SLC45A4: variants seen among roughly 807,000 people sequenced by gnomAD.
The protein encoded by SLC45A4 is polyamine-transporter SLC45A4.
Under a neutral mutation model 63.7 loss-of-function variants are expected in SLC45A4, and 32 were observed. The ratio of observed to expected loss-of-function variants is 0.50; its 90% CI spans 0.38 to 0.67. The LOEUF is 0.67. SLC45A4 is among the 30% of genes least tolerant of loss of function. The probability of loss-of-function intolerance (pLI) is 0.00; values close to 1 mark genes in which losing one functional copy is unlikely to be tolerated. For missense variants in SLC45A4, 1,027 were observed against 1,157.7 expected (o/e 0.89, Z 1.64); for synonymous variants, 535 against 510.0 (o/e 1.05, Z -0.66).
intron 2 of SLC45A4, among the ~76,000 whole-genome samples, chr8:141,240,707 C>T (rs554005793): frequency 6.6e-6 from 1 of 152,208 alleles, no homozygotes; most frequent in African/African-American, 2.4e-5. Flanking sequence ...GATCGCACAA[C>T]CACACTCCAG....
intron 1 of SLC45A4, among the ~76,000 whole-genome samples, chr8:141,300,707 T>C (rs1269966840): frequency 2.0e-5 from 3 of 152,268 alleles, no homozygotes; most frequent in Non-Finnish European, 2.9e-5. Context: ...GTCAGTCTTC[T>C]CTGCTTCTAA....
At chr8:141,249,242 G>C (rs939778714) in intron 2 of SLC45A4, among the ~76,000 whole-genome samples, 13 of 152,108 alleles carry the variant, frequency 8.5e-5, no homozygotes, top group Non-Finnish European at 1.8e-4. Flanking sequence ...CATGAGAAAT[G>C]AAACACATCC....
Position 141,212,538 on chromosome 8 carries a change from C to A in SLC45A4, c.1960G>T (p.Gly654Trp), listed in dbSNP as rs764740270. 43 of 1,607,474 alleles carry A rather than the reference C, an allele frequency of 2.7e-5. No homozygotes were observed. Among genetic ancestry groups the A allele is most frequent in the Non-Finnish European group, 3.0e-5 (35 of 1,176,482 alleles). ...DIKQYIHHSP[G>W]NSKRGFGIDC... is the part of the protein sequence containing the mutation. ...ATGCCAAACCCTCGCTTGGAGTTCC[C>A]GGGGCTGTGGTGGATGTACTGCAAG... is the stretch of plus-strand genomic sequence containing the variant. Residue 654 changes from glycine to tryptophan, a missense_variant, in exon 8 of 9, where the codon GGG becomes TGG. Gly to Trp is a radical substitution (Grantham distance 184). Transcript: ENST00000517878.
chr8:141,225,937 G>T, intron 2 of SLC45A4: 1 of 153,520 alleles, frequency 6.5e-6, no homozygotes. Context: ...CCCCGGCCCT[G>T]GTCTCTCCTG....
At chr8:141,299,392 G>A (rs538865423) in intron 1 of SLC45A4, among the ~76,000 whole-genome samples, 6 of 152,322 alleles carry the variant, frequency 3.9e-5, no homozygotes, top group African/African-American at 1.4e-4. Context: ...TATTCCCTTC[G>A]GCTTACCTAG....
chr8:141,212,144 C>CCCCA, intron 8 of SLC45A4, 53 bp downstream of exon 8: 1 of 855,276 alleles, frequency 1.2e-6, no homozygotes, highest in Non-Finnish European at 1.5e-6. Flanking sequence ...CGCCGCCCGC[C>CCCCA]CGCCCGCCCA....
chr8:141,305,985 A>C (rs1830887873), intron 1 of SLC45A4, among the ~76,000 whole-genome samples: 1 of 152,200 alleles, frequency 6.6e-6, no homozygotes, highest in Admixed American at 6.5e-5. Context: ...GAAAGGAGGC[A>C]GAATCCGGTT....
intron 1 of SLC45A4, among the ~76,000 whole-genome samples, chr8:141,306,121 A>G (rs1345928824): frequency 6.6e-6 from 1 of 151,720 alleles, no homozygotes; most frequent in East Asian, 1.9e-4. Context: ...ACGATGCGAC[A>G]AGGGCCAAAG....
At chr8:141,225,446 G>T (rs1826918163) in intron 2 of SLC45A4, 1 of 152,298 alleles carries the variant, frequency 6.6e-6, no homozygotes, top group Admixed American at 6.5e-5. Flanking sequence ...GGTGCCAAGA[G>T]AGAAACCCAG....
intron 1 of SLC45A4, among the ~76,000 whole-genome samples, chr8:141,276,947 C>T (rs72681595): frequency 0.072 from 10,922 of 152,276 alleles, 830 homozygotes; most frequent in East Asian, 0.42. Context: ...GACGTCCCCC[C>T]GGCCTAAGCA....
chr8:141,295,365 C>T (rs778233484), intron 1 of SLC45A4, among the ~76,000 whole-genome samples: 18 of 152,180 alleles, frequency 1.2e-4, no homozygotes, highest in Non-Finnish European at 1.9e-4. Context: ...GGGCACCAGG[C>T]GGAACTCCCA....
At position 141,211,457 on chromosome 8, in the gene SLC45A4, C is replaced by T. The variant is rs1213806931; in HGVS notation, c.*115G>A. Reference sequence around the variant, plus strand: ...CCCCTGCAAATCACTGTCTTCTGCCCAGGCCCCCCGGACCAGCCTCCTCCC... The same window carrying T: ...CCCCTGCAAATCACTGTCTTCTGCCTAGGCCCCCCGGACCAGCCTCCTCCC... On this transcript the variant is annotated 3_prime_UTR_variant, in exon 9 of 9. Transcript: ENST00000517878. The T allele has an allele frequency of 1.9e-6, 3 of 1,593,068 alleles. No individual in the cohort carries two copies. Among genetic ancestry groups the T allele is most frequent in the South Asian group, 1.1e-5 (1 of 88,460 alleles).
chr8:141,244,173 G>A (rs553579965), intron 2 of SLC45A4, among the ~76,000 whole-genome samples: 9 of 152,090 alleles, frequency 5.9e-5, no homozygotes, highest in South Asian at 4.1e-4. Flanking sequence ...GTTCTGTCTC[G>A]GGCACAGTGC....
Position 141,213,016 on chromosome 8 carries a change from T to C in SLC45A4, c.1942-460A>G, listed in dbSNP as rs558730195. Among the ~76,000 whole-genome samples the C allele has an allele frequency of 7.2e-4, 110 of 152,338 alleles. 1 individual carries two copies. Among genetic ancestry groups the C allele is most frequent in the African/African-American group, 2.6e-3 (107 of 41,570 alleles). ...CCACGGAAAGAGTGAGCAGTTTCAC[T>C]TGTGTTTCTTGCACAAAGATACAAA... On this transcript the variant is annotated intron_variant, in intron 7 of 8. Transcript: ENST00000517878.
intron 1 of SLC45A4, among the ~76,000 whole-genome samples, chr8:141,303,150 A>G (rs1443303494): frequency 6.6e-6 from 1 of 151,650 alleles, no homozygotes; most frequent in Non-Finnish European, 1.5e-5. Context: ...GATGTGAGAC[A>G]CCGCATCCGG....
rs78657554 is a variant in SLC45A4, at chr8:141,290,555, C to T, written c.-401+17541G>A. On this transcript the variant is annotated intron_variant, in intron 1 of 8. Transcript: ENST00000517878. Reference sequence around the variant, plus strand: ...CCATGGCAGCGTTCCAGTCACTCTGCAAATTCGGCCAGTTTCGGTCATGAC... The same window carrying T: ...CCATGGCAGCGTTCCAGTCACTCTGTAAATTCGGCCAGTTTCGGTCATGAC... Among the ~76,000 whole-genome samples, 572 of 152,336 alleles carry T rather than the reference C, an allele frequency of 3.8e-3. 2 individuals carry two copies. The highest frequency in any genetic ancestry group is 0.013 in the African/African-American group (551 of 41,566).
chr8:141,306,420 C>T (rs1182131279), intron 1 of SLC45A4, among the ~76,000 whole-genome samples: 2 of 144,268 alleles, frequency 1.4e-5, no homozygotes, highest in African/African-American at 5.1e-5. Flanking sequence ...GCGCCTGAGT[C>T]TCCTCCACCC....
intron 2 of SLC45A4, among the ~76,000 whole-genome samples, chr8:141,251,505 C>T (rs116186192): frequency 5.8e-4 from 88 of 151,940 alleles, no homozygotes; most frequent in Middle Eastern, 6.8e-3. Flanking sequence ...ACCCTCCGTG[C>T]CCTAGGATAT....
chr8:141,258,251 C>T (rs921273440), intron 1 of SLC45A4, among the ~76,000 whole-genome samples: 1 of 152,044 alleles, frequency 6.6e-6, no homozygotes, highest in Non-Finnish European at 1.5e-5. Context: ...GACGGTGGAG[C>T]CCTGCTTGGC....
Sources: allele counts gnomAD v4.1 joint callset (sites outside exome capture counted in the v4.1 genomes callset), GRCh38; gene constraint gnomAD v4.1.1; transcripts MANE v1.5; gene names NCBI Gene and HGNC (gene_info 2026-07-23, HGNC 2026-07-21).